ODAD3: variants seen among roughly 807,000 people sequenced by gnomAD.
ODAD3 encodes outer dynein arm docking complex subunit 3, also known as outer dynein arm-docking complex subunit 3.
A neutral mutation model predicts 70.9 loss-of-function variants in ODAD3; 57 were observed. That is an observed-to-expected ratio of 0.80 (90% CI 0.65 to 1.00). The LOEUF is 1.00. Ranked by LOEUF, ODAD3 falls within the 50% of genes least tolerant of loss-of-function variation. The pLI is 0.00. For synonymous variants in ODAD3, 327 were observed against 315.9 expected (o/e 1.04, Z -0.37); for missense variants, 797 against 763.9 (o/e 1.04, Z -0.51).
At chr19:11,426,375 C>G (rs1568351254) in intron 6 of ODAD3, 71 bp downstream of exon 6, 1 of 1,610,416 alleles carries the variant, frequency 6.2e-7, no homozygotes, top group South Asian at 1.1e-5. Context: ...TCAGGGACAG[C>G]TGAGGTCAGA....
Position 11,422,714 on chromosome 19 carries a change from C to T in ODAD3, c.1264G>A (p.Ala422Thr). The change falls in exon 9 of 13, where the codon GCC becomes ACC. Residue 422 changes from alanine (A) to threonine (T), a missense_variant. Coordinates refer to ENST00000356392, the MANE Select transcript of ODAD3 (RefSeq NM_145045.5). The surrounding 1 kb of genome is among the most constrained non-coding windows in gnomAD (Gnocchi z 4.6). ...ELEDLKYSGEATLVSQQKLQA... is the reference protein window; with the variant it reads ...ELEDLKYSGETTLVSQQKLQA... Reference sequence around the variant, plus strand: ...CCGGTGCCTCACCTCACCAGCGTGGCCTCCCCCGAGTACTTGAGGTCTTCC... The same window carrying T: ...CCGGTGCCTCACCTCACCAGCGTGGTCTCCCCCGAGTACTTGAGGTCTTCC... The T allele has an allele frequency of 9.9e-6, 16 of 1,612,568 alleles. No individual in the cohort carries two copies. Among genetic ancestry groups the T allele is most frequent in the Non-Finnish European group, 1.2e-5 (14 of 1,179,848 alleles).
chr19:11,423,609 T>C (rs775910735), intron 8 of ODAD3, among the ~76,000 whole-genome samples: 3 of 151,778 alleles, frequency 2.0e-5, no homozygotes, highest in African/African-American at 7.3e-5. Flanking sequence ...GGAGTTAGCA[T>C]GGTGCAAGAG....
At position 11,425,413 on chromosome 19, in the gene ODAD3, A is replaced by G. The variant is rs564679911; in HGVS notation, c.963+731T>C. Reference sequence around the variant, plus strand: ...CATATGTGTATATGTATATATACATATATGTGTATATACACATATGTGTAT... The same window carrying G: ...CATATGTGTATATGTATATATACATGTATGTGTATATACACATATGTGTAT... On this transcript the variant is annotated intron_variant, in intron 7 of 12. Transcript: ENST00000356392. 5.9e-3 allele frequency among the ~76,000 whole-genome samples: 832 copies of G among 141,976 alleles called. 29 individuals carry two copies. Among genetic ancestry groups the G allele is most frequent in the South Asian group, 8.3e-3 (39 of 4,692 alleles). 93.1% of individuals were successfully genotyped at this position (141,976 alleles called of 152,430 possible).
intron 3 of ODAD3, among the ~76,000 whole-genome samples, chr19:11,428,055 G>A (rs1305006240): frequency 6.7e-6 from 1 of 149,818 alleles, no homozygotes; most frequent in African/African-American, 2.4e-5. Context: ...AGCCAAGATC[G>A]TGCCACTGCA....
chr19:11,425,192 CAT>C lies in ODAD3; in HGVS notation c.963+950_963+951del, dbSNP rs1375543315. Among the ~76,000 whole-genome samples, 276 of 102,658 alleles carry C rather than the reference CAT, an allele frequency of 2.7e-3. 59 individuals are homozygous for C. The highest frequency in any genetic ancestry group is 0.012 in the African/African-American group (226 of 19,004). The allele number at this position is 102,658 out of a possible 152,430, so 67.3% of individuals were successfully genotyped here. A position where few individuals can be genotyped will look rare whatever the true frequency, so the allele number is the denominator to read the frequency against. On this transcript the variant is annotated intron_variant, in intron 7 of 12. Transcript: ENST00000356392. ...GTATATGTACATATGTGTATATATA[CAT>C]ATGTGTATGTGTACATATGTGTATA... is the stretch of plus-strand genomic sequence containing the variant.
At chr19:11,424,563 ATG>A (rs542666065) in intron 7 of ODAD3, among the ~76,000 whole-genome samples, 250 of 130,830 alleles carry the variant, frequency 1.9e-3, no homozygotes, top group Middle Eastern at 3.9e-3. Context: ...ATGTGTATAT[ATG>A]TATATATGTG....
chr19:11,433,722 T>A (rs1969554571), intron 1 of ODAD3, among the ~76,000 whole-genome samples: 1 of 151,492 alleles, frequency 6.6e-6, no homozygotes, highest in Non-Finnish European at 1.5e-5. Context: ...AGCCCAGGAG[T>A]TTGAGACCAG....
chr19:11,426,201 A>G lies in ODAD3; in HGVS notation c.906T>C (p.Ser302=). ...TCTCCTCGGCGCGCTTCTTGCACTC[A>G]CTTATGTAGCGTTCCCGCTTCTTGC... ...RERKKRERYI[S]ECKKRAEEKK... Residue 302 remains serine, a synonymous_variant, in exon 7 of 13, where the codon AGT becomes AGC. Transcript: ENST00000356392. 1 of 1,613,656 alleles carries G rather than the reference A, an allele frequency of 6.2e-7. No homozygotes were observed. The highest frequency in any genetic ancestry group is 8.5e-7 in the Non-Finnish European group (1 of 1,179,846).
chr19:11,431,119 T>C (rs1431808453), intron 1 of ODAD3, 99 bp from the exon 2 acceptor site: 2 of 1,502,822 alleles, frequency 1.3e-6, no homozygotes, highest in South Asian at 1.3e-5. Flanking sequence ...TCAACTTTTT[T>C]TTTTTTTTTG....
intron 1 of ODAD3, chr19:11,434,377 A>C (rs1969594260): frequency 6.3e-6 from 1 of 159,304 alleles, no homozygotes; most frequent in African/African-American, 2.4e-5. Flanking sequence ...CTCTGTACTA[A>C]AAATACAAAA....
At chr19:11,425,199 G>GTATA (rs1353326367) in intron 7 of ODAD3, among the ~76,000 whole-genome samples, 5 of 137,502 alleles carry the variant, frequency 3.6e-5, no homozygotes, top group African/African-American at 1.5e-4. Context: ...ATACATATGT[G>GTATA]TATGTGTACA....
chr19:11,426,915 C>T lies in ODAD3; in HGVS notation c.570G>A (p.Leu190=), dbSNP rs2144772909. The stretch of plus-strand genomic sequence containing the variant: ...GTCTGTTTTGCGCCTCCGCCATCTC[C>T]AGAAGGCGCAGGCTGTGCTGCAGCT... ...ELQLQHSLRL[L]EMAEAQNRHT... The change falls in exon 4 of 13, where the codon CTG becomes CTA. Residue 190 remains leucine (L), a synonymous_variant. Coordinates refer to ENST00000356392, the MANE Select transcript of ODAD3 (RefSeq NM_145045.5). 1 of 1,609,902 alleles carries T rather than the reference C, an allele frequency of 6.2e-7. No individual in the cohort carries two copies. The highest frequency in any genetic ancestry group is 8.5e-7 in the Non-Finnish European group (1 of 1,178,358).
rs766826603 is a variant in ODAD3 at position 11,422,567 on chromosome 19, G to T, written c.1338C>A (p.Ala446=). 1.3e-6 allele frequency: 2 copies of T among 1,591,178 alleles called. No individual in the cohort carries two copies. The highest frequency in any genetic ancestry group is 2.3e-5 in the East Asian group (1 of 44,154). The change falls in exon 10 of 13, where the codon GCC becomes GCA. Residue 446 remains alanine, a synonymous_variant. Transcript: ENST00000356392. The surrounding 1 kb of genome is among the most constrained non-coding windows in gnomAD (Gnocchi z 4.6). ...ERLKKEERRH[A]EAKDQLERAL... Reference sequence around the variant, plus strand: ...CGCGCTCCAGCTGGTCCTTGGCCTCGGCGTGCCGCCGCTCCTCCTTCTTGA... The same window carrying T: ...CGCGCTCCAGCTGGTCCTTGGCCTCTGCGTGCCGCCGCTCCTCCTTCTTGA...
chr19:11,430,120 AT>A (rs530805733), intron 3 of ODAD3, among the ~76,000 whole-genome samples: 12 of 151,580 alleles, frequency 7.9e-5, no homozygotes, highest in Non-Finnish European at 1.6e-4. Flanking sequence ...AAAATGTTTT[AT>A]TTTTTTTAAT....
intron 1 of ODAD3, among the ~76,000 whole-genome samples, chr19:11,431,855 A>G (rs369955468): frequency 1.3e-3 from 201 of 150,656 alleles, no homozygotes; most frequent in African/African-American, 4.6e-3. Context: ...AGGCAGGAGA[A>G]TGGTGTGAAC....
chr19:11,425,841 C>T (rs1969358285), intron 7 of ODAD3, among the ~76,000 whole-genome samples: 1 of 150,804 alleles, frequency 6.6e-6, no homozygotes, highest in Non-Finnish European at 1.5e-5. Flanking sequence ...GAGGCACGGT[C>T]AGATTCAGGA....
At chr19:11,425,336 T>C (rs1160649321) in intron 7 of ODAD3, among the ~76,000 whole-genome samples, 7 of 130,762 alleles carry the variant, frequency 5.4e-5, no homozygotes, top group African/African-American at 1.6e-4. Context: ...TACATATGTG[T>C]ATATATGTAT....
chr19:11,430,992 G>A lies in ODAD3; in HGVS notation c.273C>T (p.Ser91=). ...LEGDRKAFFE[S]SQWNIKKNQE... ...GGTTCTTCTTGATGTTCCACTGAGA[G>A]CTCTCAAAAAAAGCCTTCCGGTCAC... Residue 91 remains serine, a synonymous_variant, in exon 2 of 13, where the codon AGC becomes AGT. Coordinates refer to ENST00000356392, the MANE Select transcript of ODAD3 (RefSeq NM_145045.5). 1 of 1,614,076 alleles carries A rather than the reference G, an allele frequency of 6.2e-7. No homozygotes were observed. The highest frequency in any genetic ancestry group is 8.5e-7 in the Non-Finnish European group (1 of 1,180,030).
In ODAD3 at chr19:11,426,870, T is replaced by A. The variant is rs552500478; in HGVS notation, c.612+3A>T. 3.7e-6 allele frequency: 6 copies of A among 1,609,920 alleles called. No homozygotes were observed. The South Asian group carries it at 4.4e-5, about 12-fold the overall frequency. On this transcript the variant is annotated splice_donor_region_variant and intron_variant, in intron 4 of 12. Coordinates refer to ENST00000356392, the MANE Select transcript of ODAD3 (RefSeq NM_145045.5). ...CTGCCCTGCAGGCCTCACCCGCCCC[T>A]ACCTTGGCCACCTCCGTGTGTCTGT...
Sources: allele counts gnomAD v4.1 joint callset (sites outside exome capture counted in the v4.1 genomes callset), GRCh38; gene constraint gnomAD v4.1.1; non-coding constraint Gnocchi (gnomAD v3.1); transcripts MANE v1.5; gene names NCBI Gene and HGNC (gene_info 2026-07-23, HGNC 2026-07-21).